Variants in ACOXL observed in about 807,000 individuals in gnomAD.
ACOXL encodes the protein acyl-coenzyme A oxidase-like protein.
Under a neutral mutation model 71.9 loss-of-function variants are expected in ACOXL, and 70 were observed. The ratio of observed to expected loss-of-function variants is 0.97; its 90% confidence interval spans 0.80 to 1.19. The LOEUF (loss-of-function observed/expected upper bound fraction) is 1.19, where lower values mean the gene tolerates loss of function less well. ACOXL is among the 50% of genes most tolerant of loss of function. ACOXL has a pLI of 0.00. For synonymous variants in ACOXL, 253 were observed against 281.6 expected, an observed-to-expected ratio of 0.90 and a Z score of 1.02; for missense variants, 703 against 736.3, an observed-to-expected ratio of 0.95 and a Z score of 0.52.
At chr2:111,045,756 C>G (rs1249495966) in intron 15 of ACOXL, among the ~76,000 whole-genome samples, 2 of 152,150 alleles carry the variant, frequency 1.3e-5, no homozygotes, top group Non-Finnish European at 2.9e-5. Flanking sequence ...GGGGAAAAAG[C>G]CGAGACATAG....
At chr2:110,869,014 G>A (rs796690573) in intron 10 of ACOXL, among the ~76,000 whole-genome samples, 37 of 152,228 alleles carry the variant, frequency 2.4e-4, no homozygotes, top group African/African-American at 8.2e-4. Context: ...ACATTTCTTG[G>A]GTGGTTGCCA....
At chr2:111,057,939 G>T (rs967657135) in intron 16 of ACOXL, among the ~76,000 whole-genome samples, 26 of 151,382 alleles carry the variant, frequency 1.7e-4, no homozygotes, top group African/African-American at 6.3e-4. Flanking sequence ...CGTGGAGGGT[G>T]CAACGCTTTG....
At chr2:111,004,974 G>T (rs966212751) in intron 14 of ACOXL, among the ~76,000 whole-genome samples, 1 of 152,180 alleles carries the variant, frequency 6.6e-6, no homozygotes, top group African/African-American at 2.4e-5. Context: ...GTTCTATGAG[G>T]TAAGTCTATG....
At position 110,963,812 on chromosome 2, in the gene ACOXL, G is replaced by A. The variant is rs77029620; in HGVS notation, c.1060-23296G>A. The A allele has an allele frequency of 1.8e-3, 2,681 of 1,501,208 alleles. 49 individuals carry two copies. The African/African-American group carries it at 0.033, about 19-fold the overall frequency. The allele number at this position is 1,501,208 out of a possible 1,614,324, so 93.0% of individuals were successfully genotyped here. ...TCTGATTGCCTTCTTTAATTGGCAG[G>A]TGCTTTCCTGTTAGGCACTTGATAT... On this transcript the variant is annotated intron_variant, in intron 12 of 17. Transcript: ENST00000439055.
chr2:110,747,478 T>C (rs1678372406), intron 1 of ACOXL, among the ~76,000 whole-genome samples: 1 of 152,212 alleles, frequency 6.6e-6, no homozygotes, highest in South Asian at 2.1e-4. Flanking sequence ...ACACCCACTT[T>C]TGTTTTCTCA....
intron 1 of ACOXL, among the ~76,000 whole-genome samples, chr2:110,768,143 T>TAA (rs1681362649): frequency 1.3e-5 from 2 of 151,750 alleles, no homozygotes; most frequent in African/African-American, 4.9e-5. Context: ...AATAATAATA[T>TAA]TAATAAGAAG....
chr2:111,076,472 A>G (rs1322187021), intron 16 of ACOXL, among the ~76,000 whole-genome samples: 1 of 152,002 alleles, frequency 6.6e-6, no homozygotes, highest in African/African-American at 2.4e-5. Flanking sequence ...TTTTACATCT[A>G]TCATTTTATT....
intron 12 of ACOXL, among the ~76,000 whole-genome samples, chr2:110,956,504 A>G (rs918291237): frequency 1.3e-5 from 2 of 152,076 alleles, no homozygotes; most frequent in African/African-American, 4.8e-5. Flanking sequence ...AGGAGACCCA[A>G]CCCAGATCTC....
intron 10 of ACOXL, among the ~76,000 whole-genome samples, chr2:110,855,597 C>G (rs111232283): frequency 1.2e-3 from 183 of 152,292 alleles, no homozygotes; most frequent in African/African-American, 4.3e-3. Context: ...CAGTAATTTC[C>G]CTTTACCCAA....
intron 10 of ACOXL, chr2:110,887,900 A>C (rs1697489778): frequency 6.6e-6 from 1 of 152,184 alleles, no homozygotes; most frequent in South Asian, 2.1e-4. Context: ...TCTTGCTGAC[A>C]TTGGAGGGCG....
rs5833377 is a variant in ACOXL, at chr2:110,948,703, TAAAAAAA to T, written c.1059+15080_1059+15086del. Among the ~76,000 whole-genome samples, 17 of 70,816 alleles carry T rather than the reference TAAAAAAA, an allele frequency of 2.4e-4. No homozygotes were observed. In the East Asian group the frequency reaches 5.0e-3, roughly 21 times the overall value. 46.5% of individuals were successfully genotyped at this position (70,816 alleles called of 152,430 possible). A position where few individuals can be genotyped will look rare whatever the true frequency, so the allele number is the denominator to read the frequency against. ...GGGACCAAGGAAGATCCAGAAGAAC[TAAAAAAA>T]AAAAAAAAAAAAAAAAAATAGACTG... On this transcript the variant is annotated intron_variant, in intron 12 of 17. Coordinates refer to ENST00000439055, the MANE Select transcript of ACOXL (RefSeq NM_001142807.4).
chr2:110,754,030 A>ATG (rs1679345067), intron 1 of ACOXL, among the ~76,000 whole-genome samples: 1 of 136,186 alleles, frequency 7.3e-6, no homozygotes, highest in Admixed American at 7.0e-5. Context: ...GCACATGCAC[A>ATG]CGTGTGTGTG....
intron 3 of ACOXL, among the ~76,000 whole-genome samples, chr2:110,790,939 C>G: frequency 6.6e-6 from 1 of 152,232 alleles, no homozygotes; most frequent in African/African-American, 2.4e-5. Flanking sequence ...CCTCCCAAAT[C>G]CATCCCAACA....
In ACOXL at chr2:110,846,226, G is replaced by A. The variant is rs1691817332; in HGVS notation, c.788+4821G>A. ...GCGTCAGGACCAAGAGAGATGGTGG[G>A]GAAAGCCCCAGCAGACTCCTTTAGT... On this transcript the variant is annotated intron_variant, in intron 10 of 17. Coordinates refer to ENST00000439055, the MANE Select transcript of ACOXL (RefSeq NM_001142807.4). 3.3e-5 allele frequency among the ~76,000 whole-genome samples: 5 copies of A among 152,152 alleles called. No homozygotes were observed. In the South Asian group the frequency reaches 1.0e-3, roughly 32 times the overall value.
At chr2:110,972,658 C>T (rs2046328) in intron 12 of ACOXL, among the ~76,000 whole-genome samples, 4 of 143,166 alleles carry the variant, frequency 2.8e-5, no homozygotes, top group East Asian at 6.1e-4. Context: ...TGCACACACA[C>T]ACACACACAC....
At chr2:111,072,302 G>A (rs1258519315) in intron 16 of ACOXL, among the ~76,000 whole-genome samples, 1 of 151,938 alleles carries the variant, frequency 6.6e-6, no homozygotes, top group Non-Finnish European at 1.5e-5. Context: ...CTATAATTTT[G>A]TCTTTTTGAC....
chr2:110,849,740 AGAGT>A (rs1692370212), intron 10 of ACOXL, among the ~76,000 whole-genome samples: 1 of 147,748 alleles, frequency 6.8e-6, no homozygotes, highest in Non-Finnish European at 1.5e-5. Flanking sequence ...ACTGGGTGAC[AGAGT>A]GAGAAAAACA....
intron 12 of ACOXL, among the ~76,000 whole-genome samples, chr2:110,956,097 G>A (rs575404083): frequency 3.9e-5 from 6 of 152,032 alleles, no homozygotes; most frequent in Admixed American, 1.3e-4. Flanking sequence ...TACTACGTCC[G>A]GCTAATTTTG....
At chr2:110,921,759 T>C (rs1373768052) in intron 11 of ACOXL, among the ~76,000 whole-genome samples, 1 of 152,190 alleles carries the variant, frequency 6.6e-6, no homozygotes, top group Non-Finnish European at 1.5e-5. Context: ...TTGCCTAATA[T>C]AATCAATTCA....
Sources: allele counts gnomAD v4.1 joint callset (sites outside exome capture counted in the v4.1 genomes callset), GRCh38; gene constraint gnomAD v4.1.1; transcripts MANE v1.5; gene names NCBI Gene and HGNC (gene_info 2026-07-23, HGNC 2026-07-21).